Variants in ABCG1 observed in about 807,000 individuals in gnomAD.
ABCG1 encodes ATP binding cassette subfamily G member 1.
ABCG1 carries 29 observed loss-of-function variants against 69.2 expected under a neutral mutation model. The observed-to-expected ratio is 0.42, with a 90% CI of 0.31 to 0.57. The LOEUF is 0.57. Among genes scored for constraint, ABCG1 ranks in the 20% least tolerant of loss-of-function variants. ABCG1 has a pLI of 0.15. For missense variants in ABCG1, 718 were observed against 898.1 expected (o/e 0.80, Z 2.56); for synonymous variants, 370 against 374.8 (o/e 0.99, Z 0.15).
chr21:42,247,839 ATGGAGGCAGCCGT>A (rs1242972033), intron 2 of ABCG1, among the ~76,000 whole-genome samples: 4 of 152,174 alleles, frequency 2.6e-5, no homozygotes, highest in Non-Finnish European at 5.9e-5. Context: ...CCCCATGAAG[ATGGAGGCAGCCGT>A]TGGAGTAACA....
At position 42,296,511 on chromosome 21, in the gene ABCG1, G is replaced by A; in HGVS notation, c.*119G>A. The A allele has an allele frequency of 1.1e-6, 1 of 900,256 alleles. No individual in the cohort carries two copies. The highest frequency in any genetic ancestry group is 2.1e-5 in the Admixed American group (1 of 47,714). 55.8% of individuals were successfully genotyped at this position (900,256 alleles called of 1,614,324 possible). Reference sequence around the variant, plus strand: ...AGAGACTCTTCTGATCCAACCCCTAGAACCGCGTTGGGTTTGTGGGTGTCT... The same window carrying A: ...AGAGACTCTTCTGATCCAACCCCTAAAACCGCGTTGGGTTTGTGGGTGTCT... On this transcript the variant is annotated 3_prime_UTR_variant, in exon 15 of 15. Coordinates refer to ENST00000398449, the MANE Select transcript of ABCG1 (RefSeq NM_016818.3). This position sits in a 1 kb window ranked among gnomAD's most constrained non-coding sequence, Gnocchi z 5.4.
chr21:42,211,864 G>A (rs142216941), upstream of ABCG1, among the ~76,000 whole-genome samples: 1,388 of 152,244 alleles, frequency 9.1e-3, 10 homozygotes, highest in Non-Finnish European at 0.013. Context: ...ACTCCAGCCT[G>A]GGTGACAGAG....
rs375812225 is a variant in ABCG1 at position 42,292,729 on chromosome 21, A to T, written c.1653+1073A>T. Among the ~76,000 whole-genome samples the T allele has an allele frequency of 3.0e-4, 44 of 147,808 alleles. 1 individual carries two copies. Among genetic ancestry groups the T allele is most frequent in the African/African-American group, 8.5e-4 (34 of 39,846 alleles). On this transcript the variant is annotated intron_variant, in intron 13 of 14. Transcript: ENST00000398449. Reference sequence around the variant, plus strand: ...CACCACACTACACACTACACACCACACACTGCATACACACCACACTACACA... The same window carrying T: ...CACCACACTACACACTACACACCACTCACTGCATACACACCACACTACACA...
At chr21:42,266,425 G>A (rs1433195491) in intron 2 of ABCG1, among the ~76,000 whole-genome samples, 1 of 152,224 alleles carries the variant, frequency 6.6e-6, no homozygotes, top group Non-Finnish European at 1.5e-5. Context: ...ATAGTGAGTA[G>A]CTCTGAAGGA....
chr21:42,201,491 G>A, intron 1 of ABCG1: 1 of 873,732 alleles, frequency 1.1e-6, no homozygotes. Flanking sequence ...CCAGGGGTTG[G>A]GGACTTGTCT....
intron 2 of ABCG1, chr21:42,256,350 T>A: frequency 1.3e-6 from 2 of 1,549,968 alleles, no homozygotes; most frequent in Non-Finnish European, 1.7e-6. Flanking sequence ...CTCCGGGACA[T>A]GGTCAGGAGA....
At chr21:42,260,287 C>T in intron 2 of ABCG1, 1 of 1,442,964 alleles carries the variant, frequency 6.9e-7, no homozygotes, top group Non-Finnish European at 9.2e-7. Context: ...GAATGGTGGC[C>T]CGGCTGGGGC....
intron 2 of ABCG1, among the ~76,000 whole-genome samples, chr21:42,264,686 AGAG>A (rs2068472643): frequency 6.6e-6 from 1 of 151,856 alleles, no homozygotes; most frequent in African/African-American, 2.4e-5. Flanking sequence ...AGAAAGAGAG[AGAG>A]GAGGAGAGAC....
At chr21:42,239,721 G>A (rs889443575) in intron 2 of ABCG1, among the ~76,000 whole-genome samples, 22 of 152,342 alleles carry the variant, frequency 1.4e-4, no homozygotes, top group African/African-American at 4.8e-4. Flanking sequence ...ACCTTTGTGT[G>A]TCTTTGGTGA....
chr21:42,214,553 C>T (rs964862032), upstream of ABCG1, among the ~76,000 whole-genome samples: 4 of 152,212 alleles, frequency 2.6e-5, no homozygotes, highest in Admixed American at 2.0e-4. Context: ...CACAGGGATG[C>T]GTCTCGAGCA....
At chr21:42,251,674 C>T (rs1463033988) in intron 2 of ABCG1, among the ~76,000 whole-genome samples, 2 of 152,088 alleles carry the variant, frequency 1.3e-5, no homozygotes, top group Non-Finnish European at 2.9e-5. Context: ...CTGGAAGGGC[C>T]CAATTGTGGA....
At chr21:42,260,425 C>T (rs1377960827) in intron 2 of ABCG1, among the ~76,000 whole-genome samples, 4 of 152,108 alleles carry the variant, frequency 2.6e-5, no homozygotes, top group Non-Finnish European at 5.9e-5. Context: ...CCCAGGGTTC[C>T]CTCTGCAGGA....
intron 2 of ABCG1, among the ~76,000 whole-genome samples, chr21:42,209,865 G>A (rs749325927): frequency 3.9e-5 from 6 of 152,224 alleles, no homozygotes; most frequent in Admixed American, 6.5e-5. Context: ...AGGTCACAGG[G>A]GCACAGAGAA....
At chr21:42,236,394 T>C (rs2067978934) in intron 2 of ABCG1, among the ~76,000 whole-genome samples, 1 of 152,228 alleles carries the variant, frequency 6.6e-6, no homozygotes, top group South Asian at 2.1e-4. Context: ...TGTTTGAGTA[T>C]CCGCAAGGCC....
chr21:42,249,213 G>A (rs1024784921), intron 2 of ABCG1, among the ~76,000 whole-genome samples: 1 of 152,344 alleles, frequency 6.6e-6, no homozygotes, highest in Middle Eastern at 3.4e-3. Context: ...GCAGGGGACT[G>A]GGATGAGGGA....
At chr21:42,220,131 C>G in intron 1 of ABCG1, 1 of 1,229,742 alleles carries the variant, frequency 8.1e-7, no homozygotes. Context: ...ATCATCAGGC[C>G]CCCAGCCACC....
chr21:42,291,785 C>A lies in ABCG1; in HGVS notation c.1653+129C>A. The A allele has an allele frequency of 8.7e-7, 1 of 1,150,722 alleles. No individual in the cohort carries two copies. Among genetic ancestry groups the A allele is most frequent in the Non-Finnish European group, 1.2e-6 (1 of 845,148 alleles). 71.3% of individuals were successfully genotyped at this position (1,150,722 alleles called of 1,614,324 possible). ...CTGACCCTCCTAGATGGGGTCGTTC[C>A]CACGGGAAGGGCCCGCATTGTCGAG... On this transcript the variant is annotated intron_variant, in intron 13 of 14. Transcript: ENST00000398449. The surrounding 1 kb of genome is among the most constrained non-coding windows in gnomAD (Gnocchi z 6.4).
At chr21:42,221,263 T>C (rs1352021008) in intron 1 of ABCG1, 1 of 152,178 alleles carries the variant, frequency 6.6e-6, no homozygotes, top group African/African-American at 2.4e-5. Flanking sequence ...AGAGACCACC[T>C]GGGAATTCTG....
upstream of ABCG1, among the ~76,000 whole-genome samples, chr21:42,211,539 C>T (rs757738773): frequency 2.0e-4 from 30 of 152,124 alleles, no homozygotes; most frequent in Admixed American, 1.1e-3. Flanking sequence ...GGTATCCTCC[C>T]CAAATTCATA....
Sources: allele counts gnomAD v4.1 joint callset (sites outside exome capture counted in the v4.1 genomes callset), GRCh38; gene constraint gnomAD v4.1.1; non-coding constraint Gnocchi (gnomAD v3.1); transcripts MANE v1.5; gene names NCBI Gene and HGNC (gene_info 2026-07-23, HGNC 2026-07-21).